TMEM132B: variants seen among roughly 807,000 people sequenced by gnomAD.
The protein encoded by TMEM132B is transmembrane protein 132B.
TMEM132B carries 18 observed loss-of-function variants against 90.8 expected under a neutral mutation model. That is an observed-to-expected ratio of 0.20 (90% CI 0.14 to 0.29). The LOEUF is 0.29. Ranked by LOEUF, TMEM132B falls within the 10% of genes least tolerant of loss-of-function variation. TMEM132B has a pLI of 1.00. For synonymous variants in TMEM132B, 504 were observed against 523.3 expected (o/e 0.96, Z 0.50); for missense variants, 1,096 against 1,326.8 (o/e 0.83, Z 2.70).
At chr12:125,544,165 G>A (rs1884029113) in intron 4 of TMEM132B, among the ~76,000 whole-genome samples, 1 of 152,028 alleles carries the variant, frequency 6.6e-6, no homozygotes, top group South Asian at 2.1e-4. Context: ...CACATGGAGG[G>A]GAACAACAGA....
chr12:125,533,720 C>G (rs1364483541), intron 4 of TMEM132B, among the ~76,000 whole-genome samples: 1 of 152,174 alleles, frequency 6.6e-6, no homozygotes, highest in African/African-American at 2.4e-5. Flanking sequence ...TGACTGGCTG[C>G]GTCCTCAGGC....
chr12:125,473,822 A>T (rs1764889395), intron 3 of TMEM132B, among the ~76,000 whole-genome samples: 1 of 152,230 alleles, frequency 6.6e-6, no homozygotes, highest in African/African-American at 2.4e-5. Flanking sequence ...CTTCCTGTTG[A>T]AGGAGTTTTT....
At chr12:125,203,149 C>T (rs1213428589) in intron 1 of TMEM132B, among the ~76,000 whole-genome samples, 1 of 152,196 alleles carries the variant, frequency 6.6e-6, no homozygotes, top group Non-Finnish European at 1.5e-5. Context: ...TCCTTCCCTG[C>T]TTTACTTCCA....
chr12:125,219,718 T>C (rs943564741), intron 1 of TMEM132B, among the ~76,000 whole-genome samples: 1 of 152,198 alleles, frequency 6.6e-6, no homozygotes, highest in African/African-American at 2.4e-5. Flanking sequence ...CATTAGGGGC[T>C]TAGGTCCTGA....
chr12:125,560,762 T>C lies in TMEM132B; in HGVS notation c.1294-23089T>C, dbSNP rs534559931. ...ATGGCGTGAACCAGGGAAGCGGAGC[T>C]TGCAGTGAGCCAAGATTGCGCCACT... On this transcript the variant is annotated intron_variant, in intron 4 of 8. Transcript: ENST00000682704. 2.0e-3 allele frequency among the ~76,000 whole-genome samples: 274 copies of C among 139,724 alleles called. No homozygotes were observed. The Middle Eastern group carries it at 0.037, about 19-fold the overall frequency. 91.7% of individuals were successfully genotyped at this position (139,724 alleles called of 152,430 possible).
chr12:125,633,218 G>A (rs961003873), intron 5 of TMEM132B, among the ~76,000 whole-genome samples: 16 of 152,160 alleles, frequency 1.1e-4, no homozygotes, highest in African/African-American at 3.9e-4. Flanking sequence ...AGTGACTGGT[G>A]CGTTCTTCAG....
chr12:125,228,820 G>C (rs75171700), intron 1 of TMEM132B, among the ~76,000 whole-genome samples: 5,454 of 152,302 alleles, frequency 0.036, 127 homozygotes, highest in Non-Finnish European at 0.049. Flanking sequence ...TCACTTCCCT[G>C]TTTTCCAGTG....
chr12:125,255,404 G>A (rs1306081083), intron 1 of TMEM132B, among the ~76,000 whole-genome samples: 2 of 152,188 alleles, frequency 1.3e-5, no homozygotes, highest in Non-Finnish European at 2.9e-5. Context: ...TGTGCTGTAG[G>A]CTTTAGGCAA....
intron 1 of TMEM132B, among the ~76,000 whole-genome samples, chr12:125,245,345 AC>A (rs1158402724): frequency 2.8e-5 from 4 of 145,404 alleles, no homozygotes; most frequent in African/African-American, 1.0e-4. Context: ...CCAGGAAAAG[AC>A]CCCCCGCAAC....
chr12:125,510,802 A>G (rs1282645323), intron 3 of TMEM132B, among the ~76,000 whole-genome samples: 2 of 152,202 alleles, frequency 1.3e-5, no homozygotes, highest in East Asian at 1.9e-4. Context: ...AACTATAGAA[A>G]TAATTATTGC....
At chr12:125,605,310 T>A (rs1275340563) in intron 5 of TMEM132B, among the ~76,000 whole-genome samples, 1 of 152,228 alleles carries the variant, frequency 6.6e-6, no homozygotes, top group Non-Finnish European at 1.5e-5. Flanking sequence ...CCCTTGGTAC[T>A]GATTGGACAG....
chr12:125,628,574 G>T (rs1886287301), intron 5 of TMEM132B, among the ~76,000 whole-genome samples: 1 of 152,068 alleles, frequency 6.6e-6, no homozygotes, highest in Non-Finnish European at 1.5e-5. Context: ...TAGTCTGCAA[G>T]TATTTCTATC....
rs150272319 is a variant in TMEM132B, at chr12:125,405,202, G to A, written c.960-10329G>A. Among the ~76,000 whole-genome samples the A allele has an allele frequency of 4.2e-4, 64 of 152,358 alleles. 1 individual carries two copies. In the East Asian group the frequency reaches 0.011, roughly 26 times the overall value. On this transcript the variant is annotated intron_variant, in intron 2 of 8. Transcript: ENST00000682704. ...CCGTAGGGTTGAGAAACCTTCTCAT[G>A]CTTTTCCCCTACCTTCTGGTTGTTG... is the stretch of plus-strand genomic sequence containing the variant.
chr12:125,418,064 G>A (rs1880067589), intron 3 of TMEM132B, among the ~76,000 whole-genome samples: 1 of 152,138 alleles, frequency 6.6e-6, no homozygotes. Context: ...GAGTCCAAAT[G>A]GGATTTTCTG....
At chr12:125,607,285 T>A (rs906307590) in intron 5 of TMEM132B, among the ~76,000 whole-genome samples, 8 of 152,232 alleles carry the variant, frequency 5.3e-5, no homozygotes, top group African/African-American at 1.4e-4. Context: ...AAGAATAGTT[T>A]GTGAATTGAG....
intron 1 of TMEM132B, among the ~76,000 whole-genome samples, chr12:125,188,873 A>AAAG: frequency 6.6e-6 from 1 of 150,644 alleles, no homozygotes; most frequent in Admixed American, 6.6e-5. Flanking sequence ...AAAAAAAAAA[A>AAAG]GAAAAAAAGA....
chr12:125,554,373 C>T (rs894600183), intron 4 of TMEM132B, among the ~76,000 whole-genome samples: 4 of 141,220 alleles, frequency 2.8e-5, no homozygotes, highest in South Asian at 2.3e-4. Context: ...TACAGTGAGC[C>T]GAGATAGTGC....
At chr12:125,275,021 C>G (rs1874951725) in intron 1 of TMEM132B, among the ~76,000 whole-genome samples, 1 of 152,208 alleles carries the variant, frequency 6.6e-6, no homozygotes, top group African/African-American at 2.4e-5. Flanking sequence ...ACATGGTTAA[C>G]TTACCATCTG....
chr12:125,304,056 ACTGTTCCACC>A (rs1875896417), intron 1 of TMEM132B, among the ~76,000 whole-genome samples: 1 of 152,198 alleles, frequency 6.6e-6, no homozygotes, highest in African/African-American at 2.4e-5. Context: ...TTGGGATAAA[ACTGTTCCACC>A]TCAAATCAGG....
Sources: gnomAD v4.1 joint callset for allele counts (sites outside exome capture counted in the v4.1 genomes callset) on GRCh38, gnomAD v4.1.1 for gene constraint, MANE v1.5 for transcripts, NCBI Gene and HGNC (gene_info 2026-07-23, HGNC 2026-07-21) for gene names.